PLCL2: variants seen among roughly 807,000 people sequenced by gnomAD.
The protein encoded by PLCL2 is inactive phospholipase C-like protein 2.
In PLCL2, 4 loss-of-function variants were observed where a neutral mutation model predicts 79.6. That is an observed-to-expected ratio of 0.05 (90% CI 0.02 to 0.11). PLCL2 has a LOEUF of 0.11. PLCL2 is among the 10% of genes least tolerant of loss of function. The pLI, the probability that PLCL2 is intolerant of heterozygous loss-of-function variation, is 1.00. For synonymous variants in PLCL2, 484 were observed against 457.7 expected, an observed-to-expected ratio of 1.06 and a Z score of -0.73; for missense variants, 895 against 1,291.0, an observed-to-expected ratio of 0.69 and a Z score of 4.70.
intron 1 of PLCL2, among the ~76,000 whole-genome samples, chr3:16,906,959 G>C (rs2197017): frequency 0.69 from 104,874 of 152,052 alleles, 36,497 homozygotes; most frequent in African/African-American, 0.77. Context: ...TTTTTTCCCC[G>C]CTGAGTTGCA....
At chr3:16,915,197 A>C (rs531439465) in intron 1 of PLCL2, among the ~76,000 whole-genome samples, 2 of 152,244 alleles carry the variant, frequency 1.3e-5, no homozygotes, top group African/African-American at 4.8e-5. Flanking sequence ...AATGCATAAC[A>C]TTAGTGAACA....
At chr3:16,898,804 C>T (rs960840956) in intron 1 of PLCL2, among the ~76,000 whole-genome samples, 11 of 152,222 alleles carry the variant, frequency 7.2e-5, no homozygotes, top group African/African-American at 1.4e-4. Context: ...TAGTTATGTT[C>T]CAAAATGGCA....
At chr3:17,012,573 C>T (rs549217933) in intron 2 of PLCL2, among the ~76,000 whole-genome samples, 43 of 152,248 alleles carry the variant, frequency 2.8e-4, no homozygotes, top group Non-Finnish European at 5.6e-4. Context: ...TCCTTTCTTA[C>T]GAAGCTGTAA....
At chr3:16,967,305 A>G (rs1270717307) in intron 1 of PLCL2, among the ~76,000 whole-genome samples, 1 of 152,104 alleles carries the variant, frequency 6.6e-6, no homozygotes, top group Non-Finnish European at 1.5e-5. Flanking sequence ...GCTAGGGTGA[A>G]TGTAATTCTG....
At position 16,886,666 on chromosome 3, in the gene PLCL2, C is replaced by T. The variant is rs897289969; in HGVS notation, c.327+1300C>T. ...GTGTATTAACTACCTGCAGCACACA[C>T]GTAGAGATAAACTAAGGAAAGTAAA... On this transcript the variant is annotated intron_variant, in intron 1 of 5. Coordinates refer to ENST00000615277, the MANE Select transcript of PLCL2 (RefSeq NM_001144382.2). The surrounding 1 kb of genome is among the most constrained non-coding windows in gnomAD (Gnocchi z 4.2). 7.2e-5 allele frequency among the ~76,000 whole-genome samples: 11 copies of T among 152,148 alleles called. No homozygotes were observed. Among genetic ancestry groups the T allele is most frequent in the Non-Finnish European group, 1.2e-4 (8 of 68,018 alleles).
intron 5 of PLCL2, among the ~76,000 whole-genome samples, chr3:17,076,726 C>A (rs1033902122): frequency 2.6e-5 from 4 of 152,118 alleles, no homozygotes; most frequent in Non-Finnish European, 4.4e-5. Flanking sequence ...TGGTTTCAAA[C>A]TCCTGGCCTC....
intron 3 of PLCL2, among the ~76,000 whole-genome samples, chr3:17,021,963 T>C (rs917570528): frequency 4.6e-5 from 7 of 152,172 alleles, no homozygotes; most frequent in Admixed American, 4.6e-4. Flanking sequence ...ACCCGGCTGT[T>C]AGCATCACTT....
chr3:17,035,818 T>C (rs2064644679), intron 3 of PLCL2: 1 of 509,372 alleles, frequency 2.0e-6, no homozygotes, highest in Non-Finnish European at 3.9e-6. Flanking sequence ...TTTACATGAT[T>C]TCAAGTCCTG....
At chr3:16,946,962 T>A in intron 1 of PLCL2, among the ~76,000 whole-genome samples, 1 of 138,326 alleles carries the variant, frequency 7.2e-6, no homozygotes, top group African/African-American at 2.7e-5. Flanking sequence ...TCTTTTTTTT[T>A]TTTTTTTTTT....
intron 5 of PLCL2, among the ~76,000 whole-genome samples, chr3:17,078,481 G>A (rs1352227678): frequency 5.3e-5 from 8 of 151,544 alleles, no homozygotes; most frequent in Admixed American, 1.3e-4. Flanking sequence ...CATCTATATC[G>A]TATCTTGGAC....
chr3:16,909,430 C>T lies in PLCL2; in HGVS notation c.327+24064C>T, dbSNP rs115471264. On this transcript the variant is annotated intron_variant, in intron 1 of 5. Coordinates refer to ENST00000615277, the MANE Select transcript of PLCL2 (RefSeq NM_001144382.2). The stretch of plus-strand genomic sequence containing the variant: ...TGATTAAATGAGAGTGAATCTATTA[C>T]ATTTAGCACAGGGTTTGGCACACCA... Among the ~76,000 whole-genome samples the T allele has an allele frequency of 6.6e-3, 999 of 152,300 alleles. 11 individuals carry two copies. Among genetic ancestry groups the T allele is most frequent in the African/African-American group, 0.022 (921 of 41,548 alleles).
chr3:16,937,777 C>T (rs566026105), intron 1 of PLCL2, among the ~76,000 whole-genome samples: 3 of 152,162 alleles, frequency 2.0e-5, no homozygotes, highest in South Asian at 2.1e-4. Context: ...TCCCTGTTGC[C>T]GATTTTAAAA....
chr3:16,978,079 G>C (rs1001772039), intron 1 of PLCL2, among the ~76,000 whole-genome samples: 3 of 152,184 alleles, frequency 2.0e-5, no homozygotes, highest in African/African-American at 7.2e-5. Context: ...GTGAGACATA[G>C]ACATTCAGAA....
At position 16,981,756 on chromosome 3, in the gene PLCL2, C is replaced by A. The variant is rs370212404; in HGVS notation, c.328-27918C>A. On this transcript the variant is annotated intron_variant, in intron 1 of 5. Transcript: ENST00000615277. Reference sequence around the variant, plus strand: ...ATGAATTGCATCTTGAATTTAGTTCCTGAAAGTCTGTGCAAGGACTGTTGC... The same window carrying A: ...ATGAATTGCATCTTGAATTTAGTTCATGAAAGTCTGTGCAAGGACTGTTGC... Among the ~76,000 whole-genome samples, 9 of 152,284 alleles carry A rather than the reference C, an allele frequency of 5.9e-5. 1 individual carries two copies. The South Asian group carries it at 8.3e-4, about 14-fold the overall frequency.
chr3:17,071,782 T>C (rs2065062549), intron 5 of PLCL2, among the ~76,000 whole-genome samples: 1 of 152,170 alleles, frequency 6.6e-6, no homozygotes, highest in African/African-American at 2.4e-5. Flanking sequence ...CAAGCACTAA[T>C]GTCTCAGATA....
chr3:17,024,282 T>C (rs1376215043), intron 3 of PLCL2, among the ~76,000 whole-genome samples: 4 of 152,136 alleles, frequency 2.6e-5, no homozygotes, highest in African/African-American at 9.7e-5. Context: ...GAATTTGAGT[T>C]AAGCCTAATA....
chr3:16,958,637 A>T (rs2063728026), intron 1 of PLCL2, among the ~76,000 whole-genome samples: 1 of 152,242 alleles, frequency 6.6e-6, no homozygotes, highest in African/African-American at 2.4e-5. Flanking sequence ...TCTTATATAT[A>T]AAAAATAAAG....
At chr3:17,036,498 G>A (rs868656421) in intron 3 of PLCL2, among the ~76,000 whole-genome samples, 17 of 152,050 alleles carry the variant, frequency 1.1e-4, no homozygotes, top group African/African-American at 7.2e-5. Flanking sequence ...TTCTTCACCC[G>A]CACAGTAATA....
At chr3:17,042,532 A>G (rs115091764) in intron 3 of PLCL2, among the ~76,000 whole-genome samples, 2,189 of 152,288 alleles carry the variant, frequency 0.014, 63 homozygotes, top group African/African-American at 0.05. Context: ...TAAAATGGAT[A>G]ACCAAATTTT....
Sources: gnomAD v4.1 joint callset for allele counts (sites outside exome capture counted in the v4.1 genomes callset) on GRCh38, gnomAD v4.1.1 for gene constraint, Gnocchi (gnomAD v3.1) non-coding constraint, MANE v1.5 for transcripts, NCBI Gene and HGNC (gene_info 2026-07-23, HGNC 2026-07-21) for gene names.